The following PDE4B variants were observed in gnomAD, a reference collection of about 807,000 sequenced individuals.
PDE4B encodes 3',5'-cyclic-AMP phosphodiesterase 4B.
Under a neutral mutation model 82.2 loss-of-function variants are expected in PDE4B, and 20 were observed. The ratio of observed to expected loss-of-function variants is 0.24; its 90% CI spans 0.17 to 0.35. The LOEUF (loss-of-function observed/expected upper bound fraction) is 0.35. PDE4B is among the 10% of genes least tolerant of loss of function. The pLI, the probability that PDE4B is intolerant of heterozygous loss-of-function variation, is 1.00. For synonymous variants in PDE4B, 320 were observed against 318.9 expected, an observed-to-expected ratio of 1.00 and a Z score of -0.04; for missense variants, 655 against 907.2, an observed-to-expected ratio of 0.72 and a Z score of 3.57.
At chr1:66,056,524 CT>C (rs1393196482) in intron 3 of PDE4B, among the ~76,000 whole-genome samples, 6 of 81,790 alleles carry the variant, frequency 7.3e-5, no homozygotes, top group East Asian at 7.7e-4. Flanking sequence ...ATCTATCTAT[CT>C]ATCTATCATC....
At chr1:66,234,380 C>T (rs989308340) in intron 3 of PDE4B, among the ~76,000 whole-genome samples, 1 of 152,152 alleles carries the variant, frequency 6.6e-6, no homozygotes, top group Non-Finnish European at 1.5e-5. Flanking sequence ...CCTCTGCCTC[C>T]CGGGTTCAAG....
chr1:65,835,794 A>G (rs1004166784), intron 1 of PDE4B, among the ~76,000 whole-genome samples: 1 of 152,184 alleles, frequency 6.6e-6, no homozygotes, highest in Non-Finnish European at 1.5e-5. Context: ...CAGAAATTAA[A>G]TATCAGAGGA....
chr1:65,834,903 C>A (rs1646123447), intron 1 of PDE4B, among the ~76,000 whole-genome samples: 1 of 152,118 alleles, frequency 6.6e-6, no homozygotes, highest in Admixed American at 6.6e-5. Flanking sequence ...TCACAGGAAT[C>A]ATCAAACTCT....
chr1:65,816,189 C>CTGTGTG (rs1557761242), intron 1 of PDE4B, among the ~76,000 whole-genome samples: 2 of 22,538 alleles, frequency 8.9e-5, no homozygotes, highest in East Asian at 1.6e-3. Flanking sequence ...ATTATTAATG[C>CTGTGTG]AGTGTGTGTG....
At chr1:66,083,196 A>G (rs1469358020) in intron 3 of PDE4B, among the ~76,000 whole-genome samples, 2 of 152,040 alleles carry the variant, frequency 1.3e-5, no homozygotes, top group Non-Finnish European at 2.9e-5. Context: ...CAATGCTTTC[A>G]TCATGTCACT....
intron 15 of PDE4B, 125 bp from the exon 16 acceptor site, chr1:66,368,662 C>A: frequency 3.1e-6 from 2 of 647,804 alleles, no homozygotes; most frequent in Non-Finnish European, 4.7e-6. Context: ...GTGCATATGT[C>A]ATAATTATAA....
intron 3 of PDE4B, among the ~76,000 whole-genome samples, chr1:66,040,674 A>G (rs1291660457): frequency 1.3e-5 from 2 of 152,050 alleles, no homozygotes; most frequent in African/African-American, 2.4e-5. Flanking sequence ...TAATCCTACA[A>G]TGTTTGAGAT....
At position 65,887,970 on chromosome 1, in the gene PDE4B, A is replaced by G. The variant is rs1646811166; in HGVS notation, c.-70-25275A>G. On this transcript the variant is annotated intron_variant, in intron 1 of 16. Coordinates refer to ENST00000341517, the MANE Select transcript of PDE4B (RefSeq NM_002600.4). ...AAATTTACTGTAGTCTCATTTGTCT[A>G]TTTTTGTTTTTGTTGCCCGTGCTTT... Among the ~76,000 whole-genome samples, 4 of 151,974 alleles carry G rather than the reference A, an allele frequency of 2.6e-5. No individual in the cohort carries two copies. In the South Asian group the frequency reaches 6.2e-4, roughly 24 times the overall value.
intron 3 of PDE4B, among the ~76,000 whole-genome samples, chr1:66,232,750 C>A (rs903469723): frequency 3.9e-5 from 6 of 151,980 alleles, no homozygotes; most frequent in African/African-American, 7.3e-5. Context: ...AAGAATTGAC[C>A]ATTGGTTTGG....
In PDE4B at chr1:65,950,102, T is replaced by C. The variant is rs902908506; in HGVS notation, c.281+31267T>C. Among the ~76,000 whole-genome samples the C allele has an allele frequency of 2.6e-5, 4 of 152,124 alleles. 1 individual carries two copies. The South Asian group carries it at 6.2e-4, about 24-fold the overall frequency. On this transcript the variant is annotated intron_variant, in intron 3 of 16. Transcript: ENST00000341517. ...TCCTGTTACTCTCACTTTGCTAATT[T>C]ACTTTGTTGATTAATAGACTTGAAC...
intron 3 of PDE4B, among the ~76,000 whole-genome samples, chr1:66,056,521 TATCTATCTATC>T (rs1447261916): frequency 6.0e-4 from 44 of 73,276 alleles, no homozygotes; most frequent in African/African-American, 2.3e-3. Context: ...TCTATCTATC[TATCTATCTATC>T]ATCTATCTAT....
chr1:65,902,781 A>C (rs1262512948), intron 1 of PDE4B, among the ~76,000 whole-genome samples: 1 of 152,208 alleles, frequency 6.6e-6, no homozygotes, highest in Non-Finnish European at 1.5e-5. Flanking sequence ...GAATTCATAA[A>C]TAAGATTTTG....
At chr1:66,321,905 C>G (rs1659431733) in intron 7 of PDE4B, among the ~76,000 whole-genome samples, 1 of 152,100 alleles carries the variant, frequency 6.6e-6, no homozygotes, top group Non-Finnish European at 1.5e-5. Flanking sequence ...AGGCGTTATG[C>G]TACCTGACTT....
rs528662042 is a variant in PDE4B at position 65,799,801 on chromosome 1, C to T, written c.-71+6553C>T. Among the ~76,000 whole-genome samples, 8 of 152,262 alleles carry T rather than the reference C, an allele frequency of 5.3e-5. No homozygotes were observed. The South Asian group carries it at 8.3e-4, about 16-fold the overall frequency. On this transcript the variant is annotated intron_variant, in intron 1 of 16. Transcript: ENST00000341517. ...CAGGTGTTCAAACAGACTGACTGTG[C>T]GAAATACAAACAGGGAACTCAGCCC...
chr1:65,848,462 C>CATAT, intron 1 of PDE4B, among the ~76,000 whole-genome samples: 1 of 5,378 alleles, frequency 1.9e-4, no homozygotes, highest in East Asian at 0.033. Context: ...TAAATTTTGA[C>CATAT]ATATATGTCT....
At chr1:66,090,616 A>ATATAT (rs200925983) in intron 3 of PDE4B, among the ~76,000 whole-genome samples, 2 of 89,940 alleles carry the variant, frequency 2.2e-5, no homozygotes, top group African/African-American at 9.1e-5. Context: ...ATATGTATAT[A>ATATAT]ATATATGTGT....
intron 3 of PDE4B, among the ~76,000 whole-genome samples, chr1:66,065,139 T>G (rs1489424560): frequency 6.7e-6 from 1 of 149,400 alleles, no homozygotes; most frequent in Non-Finnish European, 1.5e-5. Context: ...TTAAATTAAT[T>G]TTTTAAACAT....
intron 3 of PDE4B, among the ~76,000 whole-genome samples, chr1:66,222,790 C>G (rs961652880): frequency 8.5e-5 from 13 of 152,156 alleles, no homozygotes; most frequent in Non-Finnish European, 5.9e-5. Context: ...AATAGACGCT[C>G]AAGAAATGTG....
Position 66,257,818 on chromosome 1 carries a change from G to A in PDE4B, c.539G>A (p.Arg180Lys). Residue 180 changes from arginine (R) to lysine (K), a missense_variant, in exon 6 of 17, where the codon AGA becomes AAA. This residue lies in a region of PDE4B where 253 missense variants were observed against 275.6 expected (regional missense o/e 0.92). Coordinates refer to ENST00000341517, the MANE Select transcript of PDE4B (RefSeq NM_002600.4). ...GTCCTTGCCAGCTTGCGAAGTGTGA[G>A]AAACAACTTCACTATACTGACAAAC... ...AQVLASLRSV[R>K]NNFTILTNLH... 6.2e-7 allele frequency: 1 copy of A among 1,613,264 alleles called. No homozygotes were observed. The highest frequency in any genetic ancestry group is 8.5e-7 in the Non-Finnish European group (1 of 1,179,378).
Sources: gnomAD v4.1 joint callset for allele counts (sites outside exome capture counted in the v4.1 genomes callset) on GRCh38, gnomAD v4.1.1 for gene constraint, gnomAD v4.1.1 regional missense constraint, MANE v1.5 for transcripts, NCBI Gene and HGNC (gene_info 2026-07-23, HGNC 2026-07-21) for gene names.